Variants in LYPD6B observed in about 807,000 individuals in gnomAD.
LYPD6B encodes ly6/PLAUR domain-containing protein 6B.
A neutral mutation model predicts 22.8 loss-of-function variants in LYPD6B; 17 were observed. That is an observed-to-expected ratio of 0.75 (90% CI 0.51 to 1.12). The LOEUF is 1.12. LYPD6B is among the 50% of genes most tolerant of loss of function. The pLI, the probability that LYPD6B is intolerant of heterozygous loss-of-function variation, is 0.00. For missense variants in LYPD6B, 221 were observed against 258.3 expected (o/e 0.86, Z 0.99); for synonymous variants, 106 against 91.6 (o/e 1.16, Z -0.90).
intron 3 of LYPD6B, among the ~76,000 whole-genome samples, chr2:149,185,493 C>A (rs1366718125): frequency 6.6e-6 from 1 of 152,110 alleles, no homozygotes; most frequent in Non-Finnish European, 1.5e-5. Context: ...GGGAAAAATG[C>A]AAGGTTTGGA....
At chr2:149,081,901 A>G (rs1000062052) in intron 1 of LYPD6B, among the ~76,000 whole-genome samples, 2 of 152,218 alleles carry the variant, frequency 1.3e-5, no homozygotes, top group African/African-American at 2.4e-5. Flanking sequence ...GTTGTTGCCT[A>G]TAGTGAGAGT....
chr2:149,040,961 T>C (rs1158282997), intron 1 of LYPD6B, among the ~76,000 whole-genome samples: 1 of 152,192 alleles, frequency 6.6e-6, no homozygotes, highest in African/African-American at 2.4e-5. Context: ...ACAGTCTAGT[T>C]GGAAAGACAG....
intron 1 of LYPD6B, among the ~76,000 whole-genome samples, chr2:149,112,310 T>G (rs937606597): frequency 3.3e-5 from 5 of 152,178 alleles, no homozygotes; most frequent in African/African-American, 1.2e-4. Flanking sequence ...CCTTTATAAC[T>G]TTATATGCTG....
chr2:149,107,120 T>C (rs1229336283), intron 1 of LYPD6B, among the ~76,000 whole-genome samples: 1 of 152,184 alleles, frequency 6.6e-6, no homozygotes, highest in Non-Finnish European at 1.5e-5. Flanking sequence ...ATTAAAGTTA[T>C]GTAAATGTGG....
At chr2:149,182,995 A>G (rs1691843793) in intron 3 of LYPD6B, among the ~76,000 whole-genome samples, 1 of 151,972 alleles carries the variant, frequency 6.6e-6, no homozygotes, top group South Asian at 2.1e-4. Context: ...GAAATATACC[A>G]TTTTTTTTAG....
chr2:149,151,123 C>T (rs944221866), intron 2 of LYPD6B, among the ~76,000 whole-genome samples: 6 of 152,086 alleles, frequency 3.9e-5, no homozygotes, highest in African/African-American at 1.4e-4. Flanking sequence ...AGGTTTGCCT[C>T]CAATGTCTGG....
At chr2:149,067,023 C>G (rs188612036) in intron 1 of LYPD6B, among the ~76,000 whole-genome samples, 4 of 152,166 alleles carry the variant, frequency 2.6e-5, no homozygotes, top group African/African-American at 7.2e-5. Flanking sequence ...CATGAGTACC[C>G]AATGTTTAGG....
intron 1 of LYPD6B, among the ~76,000 whole-genome samples, chr2:149,130,080 C>G (rs537270959): frequency 1.3e-5 from 2 of 152,168 alleles, no homozygotes; most frequent in African/African-American, 4.8e-5. Flanking sequence ...TTGACCAGAA[C>G]GCTGAACGGC....
At chr2:149,075,554 T>G (rs192214413) in intron 1 of LYPD6B, among the ~76,000 whole-genome samples, 1 of 152,336 alleles carries the variant, frequency 6.6e-6, no homozygotes, top group Non-Finnish European at 1.5e-5. Context: ...CTTTAAAAGT[T>G]GTCAAACTTC....
intron 2 of LYPD6B, among the ~76,000 whole-genome samples, chr2:149,155,293 T>C (rs940814994): frequency 2.0e-5 from 3 of 152,242 alleles, no homozygotes; most frequent in Admixed American, 1.3e-4. Context: ...ATTCATGGAC[T>C]GTCTTATCTA....
intron 1 of LYPD6B, among the ~76,000 whole-genome samples, chr2:149,100,055 A>G (rs924772577): frequency 1.1e-4 from 17 of 152,176 alleles, no homozygotes; most frequent in African/African-American, 2.9e-4. Context: ...GAACATTTAT[A>G]CCAACTTATT....
At chr2:149,139,285 G>T (rs1025462558) in intron 2 of LYPD6B, among the ~76,000 whole-genome samples, 1 of 152,124 alleles carries the variant, frequency 6.6e-6, no homozygotes, top group South Asian at 2.1e-4. Flanking sequence ...AATAGAAAGG[G>T]GGCAGCTCAT....
At chr2:149,159,793 T>A (rs903540771) in intron 2 of LYPD6B, among the ~76,000 whole-genome samples, 1 of 152,038 alleles carries the variant, frequency 6.6e-6, no homozygotes, top group Non-Finnish European at 1.5e-5. Flanking sequence ...GAGGCAAAAT[T>A]TCTTCTTGGG....
At chr2:149,069,939 GGT>G (rs373627034) in intron 1 of LYPD6B, among the ~76,000 whole-genome samples, 1 of 150,344 alleles carries the variant, frequency 6.7e-6, no homozygotes. Context: ...AGAGATGGGT[GGT>G]GTGTGTGTGT....
chr2:149,089,302 T>C (rs1022468100), intron 1 of LYPD6B, among the ~76,000 whole-genome samples: 1 of 152,190 alleles, frequency 6.6e-6, no homozygotes, highest in Non-Finnish European at 1.5e-5. Context: ...GATTTCACAT[T>C]AGAAGGGGCC....
At chr2:149,129,575 T>C (rs1687901304) in intron 1 of LYPD6B, among the ~76,000 whole-genome samples, 1 of 152,252 alleles carries the variant, frequency 6.6e-6, no homozygotes, top group Admixed American at 6.5e-5. Context: ...AGATAATCTT[T>C]AAGTCAACGG....
chr2:149,068,989 T>C (rs1352189821), intron 1 of LYPD6B: 1 of 176,238 alleles, frequency 5.7e-6, no homozygotes. Context: ...TCCAGATCAC[T>C]TCTTAAAACT....
At chr2:149,190,991 A>G (rs1394668470) in intron 3 of LYPD6B, among the ~76,000 whole-genome samples, 3 of 152,144 alleles carry the variant, frequency 2.0e-5, no homozygotes, top group African/African-American at 7.2e-5. Flanking sequence ...AAAGTCACTC[A>G]TATTTTCTTC....
chr2:149,205,901 G>C (rs1323756240), intron 4 of LYPD6B: 2 of 314,246 alleles, frequency 6.4e-6, no homozygotes, highest in Non-Finnish European at 1.3e-5. Context: ...TCCACTAATA[G>C]TTTAAAGATA....
Sources: gnomAD v4.1 joint callset for allele counts (sites outside exome capture counted in the v4.1 genomes callset) on GRCh38, gnomAD v4.1.1 for gene constraint, MANE v1.5 for transcripts, NCBI Gene and HGNC (gene_info 2026-07-23, HGNC 2026-07-21) for gene names.